Variants in MID1 observed in about 807,000 individuals in gnomAD.
The protein encoded by MID1 is midline 1.
In MID1, 7 loss-of-function variants were observed where a neutral mutation model predicts 40.4. That is an observed-to-expected ratio of 0.17 (90% CI 0.10 to 0.33). The LOEUF is 0.33. MID1 is among the 10% of genes least tolerant of loss of function. The pLI, the probability that MID1 is intolerant of heterozygous loss-of-function variation, is 1.00. For synonymous variants in MID1, 229 were observed against 221.2 expected, an observed-to-expected ratio of 1.04 and a Z score of -0.31; for missense variants, 367 against 558.5, an observed-to-expected ratio of 0.66 and a Z score of 3.46.
intron 1 of MID1, among the ~76,000 whole-genome samples, chrX:10,580,083 A>T (rs1934969714): frequency 9.4e-6 from 1 of 106,198 alleles, no homozygotes; most frequent in East Asian, 2.9e-4. Flanking sequence ...TAAGTCTGGG[A>T]CAATAAAATT....
intron 1 of MID1, among the ~76,000 whole-genome samples, chrX:10,609,749 G>A (rs1317027912): frequency 1.2e-5 from 1 of 85,665 alleles, no homozygotes; most frequent in Non-Finnish European, 2.1e-5. Context: ...ACTGAGTCTC[G>A]CACTTTGGCC....
chrX:10,522,419 A>C (rs1417698556), intron 3 of MID1, among the ~76,000 whole-genome samples: 1 of 112,476 alleles, frequency 8.9e-6, no homozygotes, highest in Non-Finnish European at 1.9e-5. Context: ...TCTAGTCTCC[A>C]AAACTGAGAG....
chrX:10,804,750 G>A (rs761046117), intron 1 of MID1, among the ~76,000 whole-genome samples: 1 of 111,075 alleles, frequency 9.0e-6, no homozygotes, highest in East Asian at 2.8e-4. Flanking sequence ...TTCCTCTTAG[G>A]TGAGACAGGA....
intron 1 of MID1, among the ~76,000 whole-genome samples, chrX:10,665,189 G>A (rs903474354): frequency 8.9e-6 from 1 of 112,220 alleles, no homozygotes; most frequent in South Asian, 3.7e-4. Flanking sequence ...CTAGGTCAAA[G>A]CCCTCACACT....
chrX:10,449,614 C>T lies in MID1; in HGVS notation c.1758G>A (p.Val586=), dbSNP rs769358160. 1.7e-6 allele frequency: 2 copies of T among 1,211,786 alleles called. No homozygotes were observed. The highest frequency in any genetic ancestry group is 2.2e-6 in the Non-Finnish European group (2 of 895,417). Reference sequence around the variant, plus strand: ...TGGGGATTTCCTTGCTATTGTGTCTCACCACCCAGTTATTGTTGCAGCGGC... The same window carrying T: ...TGGGGATTTCCTTGCTATTGTGTCTTACCACCCAGTTATTGTTGCAGCGGC... ...ALCRCNNNWV[V]RHNSKEIPIE... The change falls in exon 10 of 10, where the codon GTG becomes GTA. Residue 586 remains valine (V), a synonymous_variant. Transcript: ENST00000317552.
At chrX:10,550,517 G>A (rs1933865008) in intron 2 of MID1, among the ~76,000 whole-genome samples, 1 of 111,984 alleles carries the variant, frequency 8.9e-6, no homozygotes, top group Non-Finnish European at 1.9e-5. Flanking sequence ...CTGCCAGGCT[G>A]CCAGGCTGCC....
At chrX:10,812,020 A>G (rs978942645) in intron 1 of MID1, among the ~76,000 whole-genome samples, 5 of 111,864 alleles carry the variant, frequency 4.5e-5, no homozygotes, top group Non-Finnish European at 7.5e-5. Flanking sequence ...AACTTCTGCC[A>G]TTAAAAAATA....
Position 10,598,564 on chromosome X carries a change from G to C in MID1, c.-57+21726C>G. On this transcript the variant is annotated intron_variant, in intron 1 of 9. Coordinates refer to ENST00000317552, the MANE Select transcript of MID1 (RefSeq NM_000381.4). The stretch of plus-strand genomic sequence containing the variant: ...CCCTTAACTGCTGAGAACGTTTCCT[G>C]ACTGATGAAAGAGGAATTTAGAGAG... Among the ~76,000 whole-genome samples, 3 of 112,259 alleles carry C rather than the reference G, an allele frequency of 2.7e-5. 1 individual carries two copies. The Admixed American group carries it at 2.8e-4, about 11-fold the overall frequency.
intron 3 of MID1, chrX:10,506,607 A>G (rs1931855744): frequency 2.1e-6 from 1 of 483,738 alleles, no homozygotes; most frequent in Non-Finnish European, 3.7e-6. Flanking sequence ...GGGGCAGAAA[A>G]AGTTCCCAGG....
chrX:10,743,879 G>A (rs2043542401), intron 1 of MID1, among the ~76,000 whole-genome samples: 1 of 111,316 alleles, frequency 9.0e-6, no homozygotes, highest in Non-Finnish European at 1.9e-5. Context: ...CTCCACCCCC[G>A]CCCTGCACCC....
chrX:10,712,010 A>G (rs2043271463), intron 1 of MID1, among the ~76,000 whole-genome samples: 1 of 112,173 alleles, frequency 8.9e-6, no homozygotes, highest in South Asian at 3.7e-4. Context: ...AATTATCGAT[A>G]ATGCCAAGGT....
At chrX:10,487,599 T>C (rs1473114122) in intron 4 of MID1, among the ~76,000 whole-genome samples, 5 of 111,539 alleles carry the variant, frequency 4.5e-5, no homozygotes, top group Non-Finnish European at 3.8e-5. Context: ...ATATATATCA[T>C]GCCCCACAAT....
intron 1 of MID1, among the ~76,000 whole-genome samples, chrX:10,764,081 G>A (rs1423300130): frequency 1.8e-5 from 2 of 111,619 alleles, no homozygotes; most frequent in Non-Finnish European, 3.8e-5. Flanking sequence ...TCGTCAGATG[G>A]GTAGATTGTA....
intron 3 of MID1, among the ~76,000 whole-genome samples, chrX:10,516,075 C>T (rs1932382920): frequency 9.0e-6 from 1 of 111,330 alleles, no homozygotes. Flanking sequence ...TAACTACAAA[C>T]TCATCCATTC....
Position 10,662,579 on chromosome X carries a change from G to A in MID1, c.-186-42160C>T, listed in dbSNP as rs759525967. On this transcript the variant is annotated intron_variant, in intron 1 of 10. Coordinates refer to the MID1 transcript ENST00000380785. ...GTGTACTCATACAATGTTAGGATCG[G>A]CAGGACCATAGGAATCTCCTAATTC... Among the ~76,000 whole-genome samples the A allele has an allele frequency of 2.5e-4, 28 of 111,154 alleles. 1 individual carries two copies. The South Asian group carries it at 5.5e-3, about 22-fold the overall frequency.
intron 1 of MID1, among the ~76,000 whole-genome samples, chrX:10,616,832 T>C (rs950591865): frequency 8.9e-6 from 1 of 112,988 alleles, no homozygotes; most frequent in African/African-American, 3.2e-5. Flanking sequence ...CACTGAGCTC[T>C]ATAAACCATG....
At chrX:10,455,878 T>TA (rs779214442) in intron 8 of MID1, among the ~76,000 whole-genome samples, 166 of 112,172 alleles carry the variant, frequency 1.5e-3, no homozygotes, top group Middle Eastern at 9.3e-3. Flanking sequence ...ATTTAAGTAT[T>TA]AAAAAAATCT....
intron 4 of MID1, among the ~76,000 whole-genome samples, chrX:10,484,443 T>G (rs2147302501): frequency 8.9e-6 from 1 of 112,510 alleles, no homozygotes; most frequent in South Asian, 3.7e-4. Flanking sequence ...CTTTTCTTTT[T>G]CTATCATGAT....
At chrX:10,756,763 T>C (rs1016964786) in intron 1 of MID1, among the ~76,000 whole-genome samples, 2 of 112,044 alleles carry the variant, frequency 1.8e-5, no homozygotes, top group Admixed American at 1.9e-4. Flanking sequence ...AGATATAAAG[T>C]CAGGCCTTTA....
Sources: gnomAD v4.1 joint callset for allele counts (sites outside exome capture counted in the v4.1 genomes callset) on GRCh38, gnomAD v4.1.1 for gene constraint, MANE v1.5 for transcripts, NCBI Gene and HGNC (gene_info 2026-07-23, HGNC 2026-07-21) for gene names.